The following PCDHGA4 variants were observed in gnomAD, a reference collection of about 807,000 sequenced individuals.
The protein encoded by PCDHGA4 is protocadherin gamma subfamily A, 4.
A neutral mutation model predicts 54.6 loss-of-function variants in PCDHGA4; 38 were observed. The ratio of observed to expected loss-of-function variants is 0.70; its 90% CI spans 0.54 to 0.91. PCDHGA4 has a LOEUF of 0.91. PCDHGA4 is among the 40% of genes least tolerant of loss of function. PCDHGA4 has a pLI of 0.00. For missense variants in PCDHGA4, 1,298 were observed against 1,220.9 expected, an observed-to-expected ratio of 1.06 and a Z score of -0.94; for synonymous variants, 511 against 512.9, an observed-to-expected ratio of 1.00 and a Z score of 0.05.
intron 3 of PCDHGA4, among the ~76,000 whole-genome samples, chr5:141,508,871 A>T (rs981330486): frequency 5.3e-5 from 8 of 152,062 alleles, no homozygotes; most frequent in East Asian, 3.9e-4. Flanking sequence ...AAGGCTGAAG[A>T]GGCTGACGGC....
intron 1 of PCDHGA4, chr5:141,370,125 T>C (rs921513468): frequency 5.8e-5 from 23 of 394,142 alleles, no homozygotes; most frequent in Non-Finnish European, 9.4e-5. Context: ...GCTCCTTATT[T>C]GGAGCTGATT....
chr5:141,489,247 C>T lies in PCDHGA4; in HGVS notation c.2515-5560C>T. 6.5e-7 allele frequency: 1 copy of T among 1,546,012 alleles called. No individual in the cohort carries two copies. The highest frequency in any genetic ancestry group is 8.7e-7 in the Non-Finnish European group (1 of 1,146,298). ...ACAAAGGGACTTCTGGGTCATGGGGCCCAAGACACTCCCACAGCTCGCTGG... is the reference window on the plus strand; with the variant it reads ...ACAAAGGGACTTCTGGGTCATGGGGTCCAAGACACTCCCACAGCTCGCTGG... On this transcript the variant is annotated intron_variant, in intron 1 of 3. Coordinates refer to ENST00000571252, the MANE Select transcript of PCDHGA4 (RefSeq NM_018917.4). This position sits in a 1 kb window ranked among gnomAD's most constrained non-coding sequence, Gnocchi z 4.5.
rs561053469 is a variant in PCDHGA4 at position 141,389,531 on chromosome 5, A to G, written c.2514+31910A>G. The G allele has an allele frequency of 5.0e-6, 8 of 1,613,210 alleles. No individual in the cohort carries two copies. In the East Asian group the frequency reaches 6.7e-5, roughly 13 times the overall value. On this transcript the variant is annotated intron_variant, in intron 1 of 3. Transcript: ENST00000571252. ...GCGCGAACGTGAGCCTGCGCGTGTT[A>G]GTGGACGACCGCAACGACAATGCGC...
At chr5:141,380,748 C>A (rs1776705964) in intron 1 of PCDHGA4, among the ~76,000 whole-genome samples, 1 of 151,948 alleles carries the variant, frequency 6.6e-6, no homozygotes, top group African/African-American at 2.4e-5. Flanking sequence ...AAGAAGGTAC[C>A]AAGACACTAT....
chr5:141,462,646 A>G (rs1371582710), intron 1 of PCDHGA4, among the ~76,000 whole-genome samples: 1 of 137,316 alleles, frequency 7.3e-6, no homozygotes, highest in Non-Finnish European at 1.5e-5. Flanking sequence ...TTTCATTTCC[A>G]TCCTCAATTA....
intron 1 of PCDHGA4, chr5:141,375,470 GAAAACA>G (rs1452346510): frequency 6.2e-7 from 1 of 1,613,784 alleles, no homozygotes; most frequent in Admixed American, 1.7e-5. Context: ...CTATGTCCTT[GAAAACA>G]ACCCCAGGGG....
At chr5:141,426,693 A>G (rs62378458) in intron 1 of PCDHGA4, 1 of 435,784 alleles carries the variant, frequency 2.3e-6, no homozygotes, top group African/African-American at 2.0e-5. Flanking sequence ...CCAAAATAGC[A>G]TTGTTTTACA....
In PCDHGA4 at chr5:141,476,177, C is replaced by T. The variant is rs1221752964; in HGVS notation, c.2515-18630C>T. On this transcript the variant is annotated intron_variant, in intron 1 of 3. Transcript: ENST00000571252. The surrounding 1 kb of genome is among the most constrained non-coding windows in gnomAD (Gnocchi z 7.6). ...CACCGGGAGGGTAGTGGGAGTTTTG[C>T]TTCTGCTTGGTGCCTTGAACAAGGC... 6.2e-7 allele frequency: 1 copy of T among 1,613,436 alleles called. No individual in the cohort carries two copies. Among genetic ancestry groups the T allele is most frequent in the Non-Finnish European group, 8.5e-7 (1 of 1,179,944 alleles).
chr5:141,364,414 C>A (rs776503621), intron 1 of PCDHGA4: 13 of 1,612,210 alleles, frequency 8.1e-6, no homozygotes, highest in Admixed American at 3.3e-5. Context: ...AGCCAGGATC[C>A]GGGCAGATCC....
intron 1 of PCDHGA4, chr5:141,400,586 A>G (rs963844263): frequency 6.2e-7 from 1 of 1,607,730 alleles, no homozygotes; most frequent in Non-Finnish European, 8.5e-7. Context: ...TTTACATGAA[A>G]CTATCGTACA....
intron 1 of PCDHGA4, chr5:141,408,923 G>C: frequency 6.2e-7 from 1 of 1,613,488 alleles, no homozygotes; most frequent in Non-Finnish European, 8.5e-7. Flanking sequence ...TAACCCCCCG[G>C]TTTTCAGCAG....
Position 141,392,858 on chromosome 5 carries a change from G to A in PCDHGA4, c.2514+35237G>A, listed in dbSNP as rs764346882. The A allele has an allele frequency of 1.9e-5, 31 of 1,612,486 alleles. No homozygotes were observed. The East Asian group carries it at 6.2e-4, about 32-fold the overall frequency. ...GCCCCAGACGCGGCGAGCTGATCCT[G>A]CTGTGCGCGCTGCTGGGAACGCTGT... On this transcript the variant is annotated intron_variant, in intron 1 of 3. Transcript: ENST00000571252.
chr5:141,376,427 C>T (rs1772674192), intron 1 of PCDHGA4: 1 of 1,614,104 alleles, frequency 6.2e-7, no homozygotes, highest in Non-Finnish European at 8.5e-7. Context: ...GCTTATCAAC[C>T]AGGAGAGCTA....
chr5:141,494,937 G>C (rs759078748), intron 2 of PCDHGA4, 72 bp downstream of exon 2: 1 of 1,612,276 alleles, frequency 6.2e-7, no homozygotes, highest in African/African-American at 1.3e-5. Flanking sequence ...GAGGAGATGG[G>C]GGAGGGCCCA....
intron 1 of PCDHGA4, chr5:141,388,621 T>C (rs2091422595): frequency 6.2e-7 from 1 of 1,613,806 alleles, no homozygotes; most frequent in African/African-American, 1.3e-5. Context: ...AGTCAAGACG[T>C]ATACAGGGTG....
chr5:141,410,489 G>A, intron 1 of PCDHGA4: 3 of 1,613,972 alleles, frequency 1.9e-6, no homozygotes, highest in Non-Finnish European at 1.7e-6. Context: ...GGGTACAAAA[G>A]AGTTTAATTT....
At chr5:141,374,954 A>C in intron 1 of PCDHGA4, 1 of 1,613,990 alleles carries the variant, frequency 6.2e-7, no homozygotes, top group Non-Finnish European at 8.5e-7. Flanking sequence ...GATCTCACAA[A>C]TTTTCTGTTT....
intron 1 of PCDHGA4, among the ~76,000 whole-genome samples, chr5:141,368,255 T>G (rs1354188654): frequency 1.3e-5 from 2 of 152,202 alleles, no homozygotes; most frequent in Non-Finnish European, 2.9e-5. Context: ...GAAAGGTTAA[T>G]TGACACATTA....
intron 1 of PCDHGA4, chr5:141,374,180 T>C (rs1347088415): frequency 6.2e-7 from 1 of 1,613,682 alleles, no homozygotes; most frequent in Non-Finnish European, 8.5e-7. Context: ...GCAGATCCGC[T>C]ACTCTATTCC....
Sources: gnomAD v4.1 joint callset for allele counts (sites outside exome capture counted in the v4.1 genomes callset) on GRCh38, gnomAD v4.1.1 for gene constraint, Gnocchi (gnomAD v3.1) non-coding constraint, MANE v1.5 for transcripts, NCBI Gene and HGNC (gene_info 2026-07-23, HGNC 2026-07-21) for gene names.